SEMA6B: variants seen among roughly 807,000 people sequenced by gnomAD.
SEMA6B encodes the protein semaphorin-6B.
Under a neutral mutation model 78.6 loss-of-function variants are expected in SEMA6B, and 47 were observed. The ratio of observed to expected loss-of-function variants is 0.60; its 90% confidence interval spans 0.47 to 0.76. The LOEUF (loss-of-function observed/expected upper bound fraction) is 0.76. SEMA6B is among the 30% of genes least tolerant of loss of function. The pLI is 0.00. For synonymous variants in SEMA6B, 632 were observed against 592.2 expected (o/e 1.07, Z -0.98); for missense variants, 1,213 against 1,269.9 (o/e 0.96, Z 0.68).
intron 4 of SEMA6B, 35 bp downstream of exon 4, chr19:4,557,128 C>A (rs768217711): frequency 1.6e-5 from 26 of 1,599,066 alleles, no homozygotes. Flanking sequence ...CCCCCTGGCC[C>A]TACCCCTCCA....
In SEMA6B at chr19:4,546,350, G is replaced by A. The variant is rs202211434; in HGVS notation, c.1679+42C>T. Reference sequence around the variant, plus strand: ...ATCAGGGGGATCTGGGATCATGGGCGGGTCTGACACACCCTCCACCCACCT... The same window carrying A: ...ATCAGGGGGATCTGGGATCATGGGCAGGTCTGACACACCCTCCACCCACCT... On this transcript the variant is annotated intron_variant, in intron 15 of 16. Transcript: ENST00000586582. The A allele has an allele frequency of 2.1e-4, 327 of 1,590,224 alleles. 2 individuals are homozygous for A. The African/African-American group carries it at 4.0e-3, about 20-fold the overall frequency.
At chr19:4,549,722 C>T (rs1568254559) in intron 12 of SEMA6B, among the ~76,000 whole-genome samples, 4 of 152,132 alleles carry the variant, frequency 2.6e-5, no homozygotes, top group African/African-American at 9.7e-5. Flanking sequence ...TCGTGATCCG[C>T]CTGCCTCGGC....
intron 8 of SEMA6B, 67 bp from the exon 9 acceptor site, chr19:4,554,543 T>G: frequency 8.0e-7 from 1 of 1,243,188 alleles, no homozygotes; most frequent in Non-Finnish European, 1.2e-6. Flanking sequence ...GGCTAAGAAC[T>G]CACTGGCTTT....
At chr19:4,556,897 G>T in intron 5 of SEMA6B, 54 bp downstream of exon 5, 2 of 1,514,254 alleles carry the variant, frequency 1.3e-6, no homozygotes, top group East Asian at 4.6e-5. Flanking sequence ...GGCGGGGCAT[G>T]GGTAATGCCA....
rs753385574 is a variant in SEMA6B, at chr19:4,544,377, C to A, written c.1891G>T (p.Ala631Ser). Residue 631 changes from alanine (A) to serine (S), a missense_variant, in exon 17 of 17, where the codon GCC becomes TCC. By Grantham distance (99) the Ala-to-Ser change is moderately conservative. Coordinates refer to ENST00000586582, the MANE Select transcript of SEMA6B (RefSeq NM_032108.4). The surrounding 1 kb of genome is among the most constrained non-coding windows in gnomAD (Gnocchi z 5.1). ...FVGLRERREL[A>S]RRKDKEAILA... ...ATGGCCTCCTTGTCCTTGCGCCGGG[C>A]CAGCTCCCGCCGCTCACGGAGGCCC... 1.9e-6 allele frequency: 3 copies of A among 1,589,396 alleles called. No homozygotes were observed. Among genetic ancestry groups the A allele is most frequent in the Non-Finnish European group, 2.6e-6 (3 of 1,170,600 alleles).
At chr19:4,547,289 T>C (rs1475165752) in intron 14 of SEMA6B, among the ~76,000 whole-genome samples, 1 of 152,188 alleles carries the variant, frequency 6.6e-6, no homozygotes, top group Non-Finnish European at 1.5e-5. Flanking sequence ...AATAGCAACT[T>C]CTGGAGTCCT....
intron 5 of SEMA6B, 82 bp downstream of exon 5, chr19:4,556,869 G>A: frequency 1.5e-6 from 2 of 1,324,864 alleles, no homozygotes; most frequent in Non-Finnish European, 2.1e-6. Context: ...CGGGGTGGGC[G>A]TGGCCTGGTC....
At chr19:4,553,751 T>C (rs1251283778) in intron 9 of SEMA6B, among the ~76,000 whole-genome samples, 1 of 77,368 alleles carries the variant, frequency 1.3e-5, no homozygotes, top group Non-Finnish European at 2.6e-5. Flanking sequence ...TGGGTGGGTG[T>C]GTTGGTGGAT....
chr19:4,555,249 A>C lies in SEMA6B; in HGVS notation c.563-154T>G, dbSNP rs1977436500. On this transcript the variant is annotated intron_variant, in intron 7 of 16. Transcript: ENST00000586582. This position sits in a 1 kb window ranked among gnomAD's most constrained non-coding sequence, Gnocchi z 6.1. Reference sequence around the variant, plus strand: ...CTGATCCCATCCAAGCCCCACCTCCATCCAAGCCCTGACCTTAACTGAGCC... The same window carrying C: ...CTGATCCCATCCAAGCCCCACCTCCCTCCAAGCCCTGACCTTAACTGAGCC... Among the ~76,000 whole-genome samples the C allele has an allele frequency of 6.6e-6, 1 of 152,068 alleles. No homozygotes were observed. The highest frequency in any genetic ancestry group is 1.5e-5 in the Non-Finnish European group (1 of 67,996).
In SEMA6B at chr19:4,548,131, C is replaced by T. The variant is rs1977219425; in HGVS notation, c.1497G>A (p.Leu499=). Residue 499 remains leucine, a synonymous_variant, in exon 14 of 17, where the codon CTG becomes CTA. Coordinates refer to ENST00000586582, the MANE Select transcript of SEMA6B (RefSeq NM_032108.4). ...CCGAAGCTGCGTCCAGCTCCAAGCT[C>T]AGCAGCCGCTGCCCTGTCTCGCCAC... The part of the protein sequence containing the change: ...PGGGETGQRL[L]SLELDAASGG... 2 of 1,592,204 alleles carry T rather than the reference C, an allele frequency of 1.3e-6. No homozygotes were observed. The highest frequency in any genetic ancestry group is 1.3e-5 in the African/African-American group (1 of 74,642).
At chr19:4,557,097 C>T in intron 4 of SEMA6B, 66 bp downstream of exon 4, 2 of 1,591,700 alleles carry the variant, frequency 1.3e-6, no homozygotes, top group Non-Finnish European at 1.7e-6. Flanking sequence ...ATCCACCCAG[C>T]TCCCCGGCGC....
chr19:4,555,673 G>C lies in SEMA6B; in HGVS notation c.472-109C>G. 1 of 903,766 alleles carries C rather than the reference G, an allele frequency of 1.1e-6. No homozygotes were observed. Among genetic ancestry groups the C allele is most frequent in the South Asian group, 1.4e-5 (1 of 69,756 alleles). 56.0% of individuals were successfully genotyped at this position (903,766 alleles called of 1,614,324 possible). A position where few individuals can be genotyped will look rare whatever the true frequency, so the allele number is the denominator to read the frequency against. Reference sequence around the variant, plus strand: ...GAATCCTGATCCACCACGGATTACTGTGTGACCTTGGCCACTCACTTAACC... The same window carrying C: ...GAATCCTGATCCACCACGGATTACTCTGTGACCTTGGCCACTCACTTAACC... On this transcript the variant is annotated intron_variant, in intron 6 of 16. Coordinates refer to ENST00000586582, the MANE Select transcript of SEMA6B (RefSeq NM_032108.4). This position sits in a 1 kb window ranked among gnomAD's most constrained non-coding sequence, Gnocchi z 6.1.
At position 4,544,225 on chromosome 19, in the gene SEMA6B, C is replaced by T; in HGVS notation, c.2043G>A (p.Leu681=). 1 of 1,274,384 alleles carries T rather than the reference C, an allele frequency of 7.8e-7. No homozygotes were observed. The highest frequency in any genetic ancestry group is 9.9e-7 in the Non-Finnish European group (1 of 1,013,074). The allele number at this position is 1,274,384 out of a possible 1,614,324, so 78.9% of individuals were successfully genotyped here. The change falls in exon 17 of 17, where the codon CTG becomes CTA. Residue 681 remains leucine, a synonymous_variant. Transcript: ENST00000586582. The surrounding 1 kb of genome is among the most constrained non-coding windows in gnomAD (Gnocchi z 5.1). The part of the protein sequence containing the change: ...GGAGVPPEAL[L]APLMQNGWAK... The stretch of plus-strand genomic sequence containing the variant: ...CCCAGCCGTTCTGCATCAGGGGCGC[C>T]AGCAGGGCCTCCGGGGGAACCCCGG...
chr19:4,555,443 C>G lies in SEMA6B; in HGVS notation c.562+31G>C, dbSNP rs1599781889. ...TGCCAGGTCTTGCCTGTGGCTGGGG[C>G]TGATCAGATGGAGGTTGGGGGGGTA... On this transcript the variant is annotated intron_variant, in intron 7 of 16. Coordinates refer to ENST00000586582, the MANE Select transcript of SEMA6B (RefSeq NM_032108.4). The surrounding 1 kb of genome is among the most constrained non-coding windows in gnomAD (Gnocchi z 6.1). The G allele has an allele frequency of 6.3e-7, 1 of 1,583,710 alleles. No homozygotes were observed.
rs778677650 is a variant in SEMA6B at position 4,556,004 on chromosome 19, A to G, written c.455T>C (p.Val152Ala). Residue 152 changes from valine (V) to alanine (A), a missense_variant, in exon 6 of 17, where the codon GTG (valine) becomes GCG (alanine). Transcript: ENST00000586582. ...FVCGSNAFNP[V>A]CANYSIDTLQ... The stretch of plus-strand genomic sequence containing the variant: ...AAGACTCACGCTGTAGTTGGCGCAC[A>G]CCGGGTTGAAGGCGTTGGAACCGCA... 6.2e-7 allele frequency: 1 copy of G among 1,613,990 alleles called. No homozygotes were observed. The highest frequency in any genetic ancestry group is 1.7e-5 in the Admixed American group (1 of 60,024).
At position 4,544,598 on chromosome 19, in the gene SEMA6B, G is replaced by A. The variant is rs966726976; in HGVS notation, c.1739-69C>T. On this transcript the variant is annotated intron_variant, in intron 16 of 16. Coordinates refer to ENST00000586582, the MANE Select transcript of SEMA6B (RefSeq NM_032108.4). The surrounding 1 kb of genome is among the most constrained non-coding windows in gnomAD (Gnocchi z 5.1). Reference sequence around the variant, plus strand: ...CCCTGGGCATCCCTCCTACCTCCTCGGGGCCCTCTGTCCTCTTTTTTATTA... The same window carrying A: ...CCCTGGGCATCCCTCCTACCTCCTCAGGGCCCTCTGTCCTCTTTTTTATTA... 4.7e-6 allele frequency: 4 copies of A among 857,998 alleles called. No individual in the cohort carries two copies. The highest frequency in any genetic ancestry group is 3.6e-5 in the African/African-American group (2 of 56,014). The allele number at this position is 857,998 out of a possible 1,614,324, so 53.1% of individuals were successfully genotyped here. A position where few individuals can be genotyped will look rare whatever the true frequency, so the allele number is the denominator to read the frequency against.
rs530790091 is a variant in SEMA6B at position 4,546,327 on chromosome 19, CA to C, written c.1680-54del. Reference sequence around the variant, plus strand: ...AGAGGCCCCTCTCACAGTCAGAGATCAGGGGGATCTGGGATCATGGGCGGGT... The same window carrying C: ...AGAGGCCCCTCTCACAGTCAGAGATCGGGGGATCTGGGATCATGGGCGGGT... On this transcript the variant is annotated intron_variant, in intron 15 of 16. Transcript: ENST00000586582. The C allele has an allele frequency of 2.5e-4, 403 of 1,604,016 alleles. 1 individual carries two copies. In the African/African-American group the frequency reaches 5.0e-3, roughly 20 times the overall value.
At chr19:4,548,527 G>A in intron 12 of SEMA6B, 82 bp from the exon 13 acceptor site, 1 of 1,303,840 alleles carries the variant, frequency 7.7e-7, no homozygotes, top group Admixed American at 1.9e-5. Context: ...AGTTACACGG[G>A]TGCATACAGA....
intron 14 of SEMA6B, 88 bp downstream of exon 14, chr19:4,547,939 T>TGACC (rs1568253507): frequency 1.4e-6 from 2 of 1,423,052 alleles, no homozygotes; most frequent in Non-Finnish European, 1.9e-6. Context: ...CAGGACATCA[T>TGACC]TGGGCTTTTG....
Sources: allele counts gnomAD v4.1 joint callset (sites outside exome capture counted in the v4.1 genomes callset), GRCh38; gene constraint gnomAD v4.1.1; non-coding constraint Gnocchi (gnomAD v3.1); transcripts MANE v1.5; gene names NCBI Gene and HGNC (gene_info 2026-07-23, HGNC 2026-07-21).